ETV7: variants seen among roughly 807,000 people sequenced by gnomAD.
The protein encoded by ETV7 is transcription factor ETV7.
A neutral mutation model predicts 39.1 loss-of-function variants in ETV7; 43 were observed. That is an observed-to-expected ratio of 1.10 (90% confidence interval 0.86 to 1.42). ETV7 has a LOEUF of 1.42. ETV7 is among the 40% of genes most tolerant of loss of function. ETV7 has a pLI of 0.00. For missense variants in ETV7, 432 were observed against 442.3 expected, an observed-to-expected ratio of 0.98 and a Z score of 0.21; for synonymous variants, 196 against 176.6, an observed-to-expected ratio of 1.11 and a Z score of -0.87.
At chr6:36,364,536 G>A (rs1561900926), downstream of ETV7, among the ~76,000 whole-genome samples, 1 of 152,376 alleles carries the variant, frequency 6.6e-6, no homozygotes, top group East Asian at 1.9e-4. Flanking sequence ...TGCGGGACCC[G>A]CCAAGCCCAC....
At chr6:36,373,209 T>C (rs1404909506) in intron 4 of ETV7, among the ~76,000 whole-genome samples, 2 of 151,338 alleles carry the variant, frequency 1.3e-5, no homozygotes, top group African/African-American at 4.9e-5. Context: ...AGAGAGGAAA[T>C]TGAGACATGA....
chr6:36,371,487 G>T lies in ETV7; in HGVS notation c.507C>A (p.Ser169Arg). 6.2e-7 allele frequency: 1 copy of T among 1,605,400 alleles called. No individual in the cohort carries two copies. The highest frequency in any genetic ancestry group is 8.5e-7 in the Non-Finnish European group (1 of 1,175,988). Reference protein sequence around the residue: ...LLQPPDPGLTSNFGHLDDPGL... With the variant: ...LLQPPDPGLTRNFGHLDDPGL... ...CAGGGTCATCCAGGTGGCCGAAGTT[G>T]CTGGTAAGCCCTGGGTCTGGTGGCT... Residue 169 changes from serine to arginine, a missense_variant, in exon 5 of 8, where the codon AGC becomes AGA. Physicochemically the swap from Ser to Arg is moderately radical, Grantham distance 110. Transcript: ENST00000340181.
intron 2 of ETV7, among the ~76,000 whole-genome samples, chr6:36,378,837 A>T (rs1773505134): frequency 2.6e-5 from 4 of 152,246 alleles, no homozygotes; most frequent in African/African-American, 9.6e-5. Context: ...CCGGGGGGAA[A>T]GGAGCAGCAA....
At chr6:36,385,376 G>C (rs1371911939) in intron 2 of ETV7, among the ~76,000 whole-genome samples, 158 bp downstream of exon 2, 1 of 152,140 alleles carries the variant, frequency 6.6e-6, no homozygotes, top group Non-Finnish European at 1.5e-5. Flanking sequence ...TGAGGTGGGA[G>C]GATTACTTGA....
In ETV7 at chr6:36,384,134, C is replaced by T. The variant is rs534445014; in HGVS notation, c.142+1400G>A. Among the ~76,000 whole-genome samples the T allele has an allele frequency of 2.0e-5, 3 of 152,330 alleles. No individual in the cohort carries two copies. In the East Asian group the frequency reaches 5.8e-4, roughly 29 times the overall value. On this transcript the variant is annotated intron_variant, in intron 2 of 7. Coordinates refer to ENST00000340181, the MANE Select transcript of ETV7 (RefSeq NM_016135.4). ...GGTGCTAACTGGACCAAAAGAACAC[C>T]TTTGGGATTTCCTTCTCTTCTCTGT...
At chr6:36,362,646 A>AG (rs1772533150), downstream of ETV7, among the ~76,000 whole-genome samples, 1 of 152,208 alleles carries the variant, frequency 6.6e-6, no homozygotes, top group Non-Finnish European at 1.5e-5. Flanking sequence ...CCAGGCACCC[A>AG]GGGGTCCATC....
chr6:36,380,143 T>A (rs1258528301), intron 2 of ETV7, among the ~76,000 whole-genome samples: 1 of 152,096 alleles, frequency 6.6e-6, no homozygotes, highest in East Asian at 1.9e-4. Flanking sequence ...ACACGTAAAA[T>A]GCGTGGCACA....
Position 36,359,451 on chromosome 6 carries a change from C to CAA in ETV7, c.909-4766_909-4765dup, listed in dbSNP as rs201987326. Among the ~76,000 whole-genome samples, 214 of 118,144 alleles carry CAA rather than the reference C, an allele frequency of 1.8e-3. 2 individuals are homozygous for CAA. The Middle Eastern group carries it at 0.018, about 10-fold the overall frequency. 77.5% of individuals were successfully genotyped at this position (118,144 alleles called of 152,430 possible). ...GGGTAACAAGAGCGAAACTCAGTCTCAAAAAAAAAAAGAAAAAAGAAAAAA... is the reference window on the plus strand; with the variant it reads ...GGGTAACAAGAGCGAAACTCAGTCTCAAAAAAAAAAAAAGAAAAAAGAAAAAA... On this transcript the variant is annotated intron_variant, in intron 7 of 7. Transcript: ENST00000339796.
At chr6:36,381,953 C>T (rs1773677210) in intron 2 of ETV7, among the ~76,000 whole-genome samples, 1 of 152,138 alleles carries the variant, frequency 6.6e-6, no homozygotes, top group African/African-American at 2.4e-5. Flanking sequence ...TTGGAATTCC[C>T]CATCTGCTTG....
intron 4 of ETV7, 67 bp downstream of exon 4, chr6:36,373,386 A>G (rs959994503): frequency 1.4e-6 from 2 of 1,440,016 alleles, no homozygotes; most frequent in African/African-American, 1.5e-5. Context: ...CGCCTTGAGG[A>G]TGTCCTGCCC....
intron 2 of ETV7, among the ~76,000 whole-genome samples, chr6:36,384,291 T>C (rs1483852780): frequency 6.6e-6 from 1 of 152,164 alleles, no homozygotes; most frequent in African/African-American, 2.4e-5. Flanking sequence ...CCCTGAGTTA[T>C]GCAATCAGAG....
At chr6:36,374,060 G>A (rs1773179673) in intron 3 of ETV7, among the ~76,000 whole-genome samples, 1 of 152,164 alleles carries the variant, frequency 6.6e-6, no homozygotes, top group Non-Finnish European at 1.5e-5. Flanking sequence ...TTCAATAAAT[G>A]GTTGAAGAAA....
At chr6:36,373,829 G>C (rs13217031) in intron 3 of ETV7, among the ~76,000 whole-genome samples, 26,294 of 152,240 alleles carry the variant, frequency 0.17, 2,480 homozygotes, top group Admixed American at 0.26. Flanking sequence ...GCCGCCTCCA[G>C]GGCATGCAGC....
downstream of ETV7, among the ~76,000 whole-genome samples, chr6:36,364,944 G>A (rs1290226063): frequency 2.6e-5 from 4 of 152,144 alleles, no homozygotes; most frequent in African/African-American, 4.8e-5. Context: ...GAGTACCATC[G>A]AGGGTCCCAG....
At chr6:36,376,131 T>C in intron 2 of ETV7, 96 bp from the exon 3 acceptor site, 1 of 1,184,894 alleles carries the variant, frequency 8.4e-7, no homozygotes. Flanking sequence ...TCCCCTGTCC[T>C]GGCCCCCAAC....
chr6:36,381,353 C>G (rs1773643352), intron 2 of ETV7, among the ~76,000 whole-genome samples: 1 of 152,172 alleles, frequency 6.6e-6, no homozygotes, highest in Non-Finnish European at 1.5e-5. Flanking sequence ...TCACCTATGG[C>G]CCAGTTTACA....
Position 36,366,423 on chromosome 6 carries a change from T to G in ETV7, c.*222A>C. The G allele has an allele frequency of 1.4e-6, 2 of 1,409,490 alleles. No individual in the cohort carries two copies. Among genetic ancestry groups the G allele is most frequent in the Admixed American group, 5.8e-5 (2 of 34,300 alleles). 87.3% of individuals were successfully genotyped at this position (1,409,490 alleles called of 1,614,324 possible). The stretch of plus-strand genomic sequence containing the variant: ...TGCAGTAGGGGAGAGTCCATTCCCC[T>G]GTACCTCATTTAGCCCCAGGATTGC... On this transcript the variant is annotated 3_prime_UTR_variant, in exon 8 of 8. Coordinates refer to ENST00000340181, the MANE Select transcript of ETV7 (RefSeq NM_016135.4).
intron 2 of ETV7, among the ~76,000 whole-genome samples, chr6:36,376,464 T>A (rs1304897493): frequency 1.3e-5 from 2 of 152,158 alleles, no homozygotes; most frequent in Admixed American, 6.5e-5. Context: ...AGTACTTGAA[T>A]GACTGAACAA....
At chr6:36,364,578 G>GC (rs1196643978), downstream of ETV7, among the ~76,000 whole-genome samples, 1 of 152,244 alleles carries the variant, frequency 6.6e-6, no homozygotes, top group Non-Finnish European at 1.5e-5. Context: ...GCCCGCAAGC[G>GC]CCGCGCACAG....
Sources: gnomAD v4.1 joint callset for allele counts (sites outside exome capture counted in the v4.1 genomes callset) on GRCh38, gnomAD v4.1.1 for gene constraint, MANE v1.5 for transcripts, NCBI Gene and HGNC (gene_info 2026-07-23, HGNC 2026-07-21) for gene names.